Variants in CBLB observed in about 807,000 individuals in gnomAD.
The protein encoded by CBLB is E3 ubiquitin-protein ligase CBL-B.
In CBLB, 31 loss-of-function variants were observed where a neutral mutation model predicts 104.9. That is an observed-to-expected ratio of 0.30 (90% CI 0.22 to 0.40). The LOEUF is 0.40. CBLB is among the 10% of genes least tolerant of loss of function. The pLI is 1.00. For missense variants in CBLB, 1,062 were observed against 1,214.6 expected, an observed-to-expected ratio of 0.87 and a Z score of 1.87; for synonymous variants, 440 against 422.6, an observed-to-expected ratio of 1.04 and a Z score of -0.51.
At chr3:105,796,356 T>C (rs1261185156) in intron 3 of CBLB, among the ~76,000 whole-genome samples, 1 of 152,122 alleles carries the variant, frequency 6.6e-6, no homozygotes, top group Non-Finnish European at 1.5e-5. Flanking sequence ...GAACTTCCCA[T>C]TCAATAAATG....
chr3:105,791,166 A>C (rs1317161009), intron 3 of CBLB, among the ~76,000 whole-genome samples: 1 of 152,224 alleles, frequency 6.6e-6, no homozygotes, highest in Non-Finnish European at 1.5e-5. Flanking sequence ...TCCTTATGAA[A>C]TATAATCTAG....
At chr3:105,771,724 CT>C (rs1217144251) in intron 4 of CBLB, among the ~76,000 whole-genome samples, 1 of 152,086 alleles carries the variant, frequency 6.6e-6, no homozygotes, top group Non-Finnish European at 1.5e-5. Context: ...ATCAGTGGCA[CT>C]GCTATACACC....
intron 3 of CBLB, among the ~76,000 whole-genome samples, chr3:105,813,688 A>G (rs909936071): frequency 1.3e-5 from 2 of 152,200 alleles, no homozygotes; most frequent in African/African-American, 4.8e-5. Flanking sequence ...TATTAGATAT[A>G]TATTTTTTGT....
chr3:105,686,625 GA>G, intron 13 of CBLB, among the ~76,000 whole-genome samples: 1 of 151,972 alleles, frequency 6.6e-6, no homozygotes, highest in African/African-American at 2.4e-5. Context: ...ACCATTACAA[GA>G]AGGCATTTTG....
chr3:105,826,871 T>C (rs2086657379), intron 3 of CBLB, among the ~76,000 whole-genome samples: 1 of 152,200 alleles, frequency 6.6e-6, no homozygotes, highest in African/African-American at 2.4e-5. Flanking sequence ...CTCATTCATA[T>C]ATAAAATGAA....
chr3:105,690,259 T>C (rs1033028950), intron 13 of CBLB, among the ~76,000 whole-genome samples: 6 of 152,142 alleles, frequency 3.9e-5, no homozygotes, highest in Non-Finnish European at 5.9e-5. Flanking sequence ...TTGAAACATA[T>C]ACCAAGAGTC....
At chr3:105,869,123 G>A (rs576596917), upstream of CBLB, 1 of 861,638 alleles carries the variant, frequency 1.2e-6, no homozygotes, top group Admixed American at 4.2e-5. Flanking sequence ...CCGACAGCGG[G>A]TGCAGCCAAT....
intron 2 of CBLB, among the ~76,000 whole-genome samples, chr3:105,864,490 T>C (rs192975311): frequency 2.0e-5 from 3 of 152,342 alleles, no homozygotes; most frequent in Admixed American, 1.3e-4. Context: ...CATCCACTGA[T>C]GTGAGGGCTT....
At chr3:105,728,947 AT>A (rs1489683354) in intron 9 of CBLB, among the ~76,000 whole-genome samples, 3 of 152,166 alleles carry the variant, frequency 2.0e-5, no homozygotes, top group Non-Finnish European at 4.4e-5. Context: ...TAAGTCTCTA[AT>A]GAATTTCAAT....
At chr3:105,686,755 A>C (rs1336148145) in intron 13 of CBLB, among the ~76,000 whole-genome samples, 1 of 152,268 alleles carries the variant, frequency 6.6e-6, no homozygotes, top group South Asian at 2.1e-4. Context: ...TCTTTGAAAA[A>C]AATTTCAATA....
intron 4 of CBLB, among the ~76,000 whole-genome samples, chr3:105,763,270 A>T (rs1311248274): frequency 6.6e-6 from 1 of 152,120 alleles, no homozygotes; most frequent in Non-Finnish European, 1.5e-5. Context: ...TGCTGGAATG[A>T]GTTAAGACTT....
intron 10 of CBLB, among the ~76,000 whole-genome samples, chr3:105,716,521 C>T (rs139985252): frequency 3.9e-4 from 59 of 152,090 alleles, no homozygotes; most frequent in African/African-American, 1.3e-3. Context: ...AATATTCTTC[C>T]AAATTATTCA....
intron 3 of CBLB, among the ~76,000 whole-genome samples, chr3:105,793,582 CATT>C (rs1318318276): frequency 6.6e-6 from 1 of 150,830 alleles, no homozygotes; most frequent in Non-Finnish European, 1.5e-5. Context: ...ATTTACCTGT[CATT>C]AATATTTTCA....
rs201982934 is a variant in CBLB, at chr3:105,704,186, A to G, written c.1408-13T>C. ...GCCTGTCAGTGCACTAGAACAGAAA[A>G]AGAGAAAGATGCCGCTGTTTATTAG... On this transcript the variant is annotated splice_polypyrimidine_tract_variant and intron_variant, in intron 10 of 18. Transcript: ENST00000394030. 2.3e-5 allele frequency: 37 copies of G among 1,612,980 alleles called. No homozygotes were observed. Among genetic ancestry groups the G allele is most frequent in the Admixed American group, 2.0e-4 (12 of 60,012 alleles).
chr3:105,742,600 C>T (rs1456547091), intron 6 of CBLB, among the ~76,000 whole-genome samples: 1 of 150,310 alleles, frequency 6.7e-6, no homozygotes, highest in African/African-American at 2.4e-5. Context: ...ATGAGAAGTG[C>T]CAAAAATAAT....
At chr3:105,680,730 T>C (rs137911820) in intron 16 of CBLB, among the ~76,000 whole-genome samples, 22 of 152,358 alleles carry the variant, frequency 1.4e-4, no homozygotes, top group African/African-American at 4.8e-4. Context: ...TCAGAAAAGC[T>C]TGTAAATTGA....
At chr3:105,662,722 C>A (rs1419694558) in intron 18 of CBLB, among the ~76,000 whole-genome samples, 1 of 152,138 alleles carries the variant, frequency 6.6e-6, no homozygotes, top group African/African-American at 2.4e-5. Flanking sequence ...AAATATTGTC[C>A]TCTTTTACCT....
At chr3:105,790,842 A>C (rs950096250) in intron 3 of CBLB, among the ~76,000 whole-genome samples, 2 of 152,192 alleles carry the variant, frequency 1.3e-5, no homozygotes, top group Non-Finnish European at 2.9e-5. Context: ...TTCAGGAAAG[A>C]GGCTGATAGG....
chr3:105,868,896 GA>G lies in CBLB; in HGVS notation c.-176del, dbSNP rs2153166431. On this transcript the variant is annotated 5_prime_UTR_variant, in exon 1 of 19. Transcript: ENST00000394030. ...CCAGCGCGCAGGCCTCCGAGACGTG[GA>G]AACGCAACAATTACCGTCAAGACAA... The G allele has an allele frequency of 4.0e-6, 4 of 1,010,990 alleles. No individual in the cohort carries two copies. Among genetic ancestry groups the G allele is most frequent in the Non-Finnish European group, 4.7e-6 (4 of 846,778 alleles). The allele number at this position is 1,010,990 out of a possible 1,614,324, so 62.6% of individuals were successfully genotyped here.
Sources: gnomAD v4.1 joint callset for allele counts (sites outside exome capture counted in the v4.1 genomes callset) on GRCh38, gnomAD v4.1.1 for gene constraint, MANE v1.5 for transcripts, NCBI Gene and HGNC (gene_info 2026-07-23, HGNC 2026-07-21) for gene names.